The following CNTNAP2 variants were observed in gnomAD, a reference collection of about 807,000 sequenced individuals.
The protein encoded by CNTNAP2 is contactin associated protein 2, also known as contactin-associated protein-like 2.
CNTNAP2 carries 98 observed loss-of-function variants against 155.2 expected under a neutral mutation model. The observed-to-expected ratio is 0.63, with a 90% CI of 0.54 to 0.75. The LOEUF (loss-of-function observed/expected upper bound fraction) is 0.75. CNTNAP2 is among the 30% of genes least tolerant of loss of function. The pLI, the probability that CNTNAP2 is intolerant of heterozygous loss-of-function variation, is 0.00. For missense variants in CNTNAP2, 1,727 were observed against 1,688.1 expected (o/e 1.02, Z -0.40); for synonymous variants, 651 against 631.2 (o/e 1.03, Z -0.47).
At chr7:147,762,153 T>TACACA in intron 13 of CNTNAP2, among the ~76,000 whole-genome samples, 1 of 103,914 alleles carries the variant, frequency 9.6e-6, no homozygotes, top group East Asian at 2.1e-4. Flanking sequence ...TCTCTCTCTG[T>TACACA]CTCACACACA....
At chr7:146,735,792 C>T (rs1801608658) in intron 1 of CNTNAP2, among the ~76,000 whole-genome samples, 1 of 139,692 alleles carries the variant, frequency 7.2e-6, no homozygotes, top group South Asian at 2.1e-4. Flanking sequence ...GGTTAACAGA[C>T]GTAAAATTTT....
At chr7:147,671,342 GAGGAGGACCGGACAC>G (rs2116966599) in intron 13 of CNTNAP2, among the ~76,000 whole-genome samples, 1 of 152,312 alleles carries the variant, frequency 6.6e-6, no homozygotes, top group Non-Finnish European at 1.5e-5. Context: ...ACAAAGTGTA[GAGGAGGACCGGACAC>G]AGGCTGAACT....
At chr7:148,038,869 TGG>T (rs1802619592) in intron 15 of CNTNAP2, among the ~76,000 whole-genome samples, 2 of 146,668 alleles carry the variant, frequency 1.4e-5, no homozygotes, top group Non-Finnish European at 2.9e-5. Context: ...GATGGATGGA[TGG>T]ATAGATAGAT....
chr7:147,480,314 A>T (rs915060857), intron 10 of CNTNAP2, among the ~76,000 whole-genome samples: 1 of 152,218 alleles, frequency 6.6e-6, no homozygotes, highest in Non-Finnish European at 1.5e-5. Flanking sequence ...TCAGTAACCT[A>T]GAAGCAGTCT....
At chr7:146,706,861 A>G (rs1349544312) in intron 1 of CNTNAP2, among the ~76,000 whole-genome samples, 1 of 151,330 alleles carries the variant, frequency 6.6e-6, no homozygotes, top group African/African-American at 2.4e-5. Flanking sequence ...AACAATCCCC[A>G]TGACACAAGT....
intron 14 of CNTNAP2, among the ~76,000 whole-genome samples, chr7:147,938,147 AG>A (rs1229958006): frequency 1.3e-5 from 2 of 152,244 alleles, no homozygotes; most frequent in African/African-American, 4.8e-5. Flanking sequence ...TTCACTGCGT[AG>A]AGATAAGAAC....
intron 1 of CNTNAP2, among the ~76,000 whole-genome samples, chr7:146,414,750 T>C (rs1419118903): frequency 6.6e-6 from 1 of 152,148 alleles, no homozygotes; most frequent in Non-Finnish European, 1.5e-5. Flanking sequence ...TTATGCCTGG[T>C]ATGCACCCAT....
chr7:147,405,580 C>A (rs1446151118), intron 10 of CNTNAP2, among the ~76,000 whole-genome samples: 1 of 152,122 alleles, frequency 6.6e-6, no homozygotes, highest in Non-Finnish European at 1.5e-5. Context: ...CCTGAAAATG[C>A]ATATGCAAGT....
chr7:146,790,007 T>G (rs141550598), intron 2 of CNTNAP2, among the ~76,000 whole-genome samples: 229 of 152,026 alleles, frequency 1.5e-3, no homozygotes, highest in African/African-American at 5.4e-3. Flanking sequence ...TTTCTTCCCT[T>G]TCAAATAAAG....
At position 146,966,174 on chromosome 7, in the gene CNTNAP2, C is replaced by A. The variant is rs897511909; in HGVS notation, c.403-77733C>A. On this transcript the variant is annotated intron_variant, in intron 3 of 23. Coordinates refer to ENST00000361727, the MANE Select transcript of CNTNAP2 (RefSeq NM_014141.6). ...AACTTCTACTTTAAGCCTTATCAGT[C>A]TCACTCTTACTCCTTCTGGTCTTAG... 3.3e-5 allele frequency among the ~76,000 whole-genome samples: 5 copies of A among 152,226 alleles called. No individual in the cohort carries two copies. The East Asian group carries it at 7.7e-4, about 23-fold the overall frequency.
chr7:146,469,532 T>C (rs1339194962), intron 1 of CNTNAP2, among the ~76,000 whole-genome samples: 1 of 141,290 alleles, frequency 7.1e-6, no homozygotes, highest in East Asian at 1.9e-4. Flanking sequence ...TTTTTTTTTT[T>C]TTTTTTTTAA....
At chr7:146,263,032 G>A (rs2129081894) in intron 1 of CNTNAP2, among the ~76,000 whole-genome samples, 1 of 152,232 alleles carries the variant, frequency 6.6e-6, no homozygotes, top group Middle Eastern at 3.4e-3. Flanking sequence ...GAAAGGGAAA[G>A]TTTTGGCCAG....
At chr7:147,433,526 A>G (rs1482780113) in intron 10 of CNTNAP2, among the ~76,000 whole-genome samples, 2 of 152,212 alleles carry the variant, frequency 1.3e-5, no homozygotes, top group South Asian at 2.1e-4. Flanking sequence ...TTGTAAATCA[A>G]TAAAAAAGAG....
chr7:146,168,597 A>C (rs1412291331), intron 1 of CNTNAP2, among the ~76,000 whole-genome samples: 1 of 151,554 alleles, frequency 6.6e-6, no homozygotes, highest in African/African-American at 2.4e-5. Flanking sequence ...GTCTTATTTG[A>C]CTCTTCTCTC....
chr7:147,907,723 A>C (rs576013297), intron 14 of CNTNAP2, among the ~76,000 whole-genome samples: 1 of 152,318 alleles, frequency 6.6e-6, no homozygotes, highest in South Asian at 2.1e-4. Context: ...AAAGCCTTCT[A>C]TAAATTATAC....
At chr7:146,911,809 T>TA (rs959072086) in intron 3 of CNTNAP2, among the ~76,000 whole-genome samples, 4 of 151,562 alleles carry the variant, frequency 2.6e-5, no homozygotes, top group East Asian at 1.9e-4. Flanking sequence ...AGTATAATAA[T>TA]AAAAAAAATA....
intron 15 of CNTNAP2, among the ~76,000 whole-genome samples, chr7:148,024,544 A>G (rs1023014379): frequency 3.3e-5 from 5 of 152,164 alleles, no homozygotes; most frequent in Admixed American, 6.5e-5. Context: ...TGTTCCTCAC[A>G]TTATCAATGA....
intron 1 of CNTNAP2, among the ~76,000 whole-genome samples, chr7:146,754,011 C>T (rs1160105655): frequency 6.6e-6 from 1 of 152,122 alleles, no homozygotes; most frequent in Admixed American, 6.6e-5. Flanking sequence ...CATGTAGATA[C>T]ATTCTTAGCA....
chr7:147,088,710 C>T (rs575736310), intron 4 of CNTNAP2, among the ~76,000 whole-genome samples: 1 of 152,190 alleles, frequency 6.6e-6, no homozygotes, highest in East Asian at 1.9e-4. Context: ...TTTGGAAGGC[C>T]AAGGCAGGAA....
Sources: gnomAD v4.1 joint callset for allele counts (sites outside exome capture counted in the v4.1 genomes callset) on GRCh38, gnomAD v4.1.1 for gene constraint, MANE v1.5 for transcripts, NCBI Gene and HGNC (gene_info 2026-07-23, HGNC 2026-07-21) for gene names.